The following NET1 variants were observed in gnomAD, a reference collection of about 807,000 sequenced individuals.
NET1 encodes neuroepithelial cell-transforming gene 1 protein.
Under a neutral mutation model 61.1 loss-of-function variants are expected in NET1, and 42 were observed. The observed-to-expected ratio is 0.69, with a 90% CI of 0.54 to 0.89. The LOEUF is 0.89. Among genes scored for constraint, NET1 ranks in the 40% least tolerant of loss-of-function variants. The pLI, the probability that NET1 is intolerant of heterozygous loss-of-function variation, is 0.00. For synonymous variants in NET1, 254 were observed against 281.8 expected (o/e 0.90, Z 0.99); for missense variants, 654 against 747.3 (o/e 0.88, Z 1.46).
At chr10:5,425,183 T>C (rs1445286823) in intron 1 of NET1, among the ~76,000 whole-genome samples, 1 of 152,244 alleles carries the variant, frequency 6.6e-6, no homozygotes, top group Admixed American at 6.5e-5. Flanking sequence ...ATTACTTAAG[T>C]ATTAATTCAT....
chr10:5,412,667 C>A lies in NET1; in HGVS notation c.-26C>A, dbSNP rs1195027709. On this transcript the variant is annotated 5_prime_UTR_variant, in exon 1 of 12. Coordinates refer to ENST00000355029, the MANE Select transcript of NET1 (RefSeq NM_001047160.3). This position sits in a 1 kb window ranked among gnomAD's most constrained non-coding sequence, Gnocchi z 6.5. The stretch of plus-strand genomic sequence containing the variant: ...CCTGCCGGTCTCCCGGGCACCCGGC[C>A]ACCGCCCCACCCCCTCCTCCGTGCC... 1 of 1,455,478 alleles carries A rather than the reference C, an allele frequency of 6.9e-7. No homozygotes were observed. Among genetic ancestry groups the A allele is most frequent in the Admixed American group, 3.0e-5 (1 of 33,694 alleles). The allele number at this position is 1,455,478 out of a possible 1,614,324, so 90.2% of individuals were successfully genotyped here. A position where few individuals can be genotyped will look rare whatever the true frequency, so the allele number is the denominator to read the frequency against.
In NET1 at chr10:5,454,576, CT is replaced by C. The variant is rs763725028; in HGVS notation, c.1026+57del. 5.7e-5 allele frequency: 89 copies of C among 1,554,854 alleles called. No homozygotes were observed. The highest frequency in any genetic ancestry group is 8.3e-5 in the African/African-American group (6 of 72,444). ...TTTTTTAAGTTTATACATTAGGCTG[CT>C]TTAGAACGTTATCTTCTGAAGATGC... On this transcript the variant is annotated intron_variant, in intron 9 of 11. Transcript: ENST00000355029. The surrounding 1 kb of genome is among the most constrained non-coding windows in gnomAD (Gnocchi z 8.1).
Position 5,435,506 on chromosome 10 carries a change from T to TAGACAGACAGACAGAC in NET1, c.255+6280_255+6281insCAGACAGACAGACAGA, listed in dbSNP as rs1832414265. 1.6e-5 allele frequency among the ~76,000 whole-genome samples: 2 copies of TAGACAGACAGACAGAC among 125,492 alleles called. No individual in the cohort carries two copies. Among genetic ancestry groups the TAGACAGACAGACAGAC allele is most frequent in the African/African-American group, 5.8e-5 (2 of 34,590 alleles). 82.3% of individuals were successfully genotyped at this position (125,492 alleles called of 152,430 possible). A position where few individuals can be genotyped will look rare whatever the true frequency, so the allele number is the denominator to read the frequency against. On this transcript the variant is annotated intron_variant, in intron 3 of 11. Transcript: ENST00000355029. This position sits in a 1 kb window ranked among gnomAD's most constrained non-coding sequence, Gnocchi z 5.0. ...ATAGATAGATAGATAGATAGATAGA[T>TAGACAGACAGACAGAC]AGATAGATAGATAGATAGATAGATA... is the stretch of plus-strand genomic sequence containing the variant.
In NET1 at chr10:5,439,509, G is replaced by A. The variant is rs1032762718; in HGVS notation, c.255+10280G>A. ...CAATCACAAATGGACCATTTCCTTTGTATAACAGATGGCTGCTGTACCTCC... is the reference window on the plus strand; with the variant it reads ...CAATCACAAATGGACCATTTCCTTTATATAACAGATGGCTGCTGTACCTCC... On this transcript the variant is annotated intron_variant, in intron 3 of 11. Coordinates refer to ENST00000355029, the MANE Select transcript of NET1 (RefSeq NM_001047160.3). The surrounding 1 kb of genome is among the most constrained non-coding windows in gnomAD (Gnocchi z 4.8). Among the ~76,000 whole-genome samples the A allele has an allele frequency of 5.9e-5, 9 of 152,152 alleles. No individual in the cohort carries two copies. The highest frequency in any genetic ancestry group is 2.2e-4 in the African/African-American group (9 of 41,424).
rs1832065886 is a variant in NET1 at position 5,415,484 on chromosome 10, G to A, written c.128+2664G>A. 6.7e-6 allele frequency among the ~76,000 whole-genome samples: 1 copy of A among 148,956 alleles called. No homozygotes were observed. The highest frequency in any genetic ancestry group is 2.1e-4 in the South Asian group (1 of 4,738). ...AGACGGAGTCTCAGTCTGTCACCGGGGCTGGAGTACAGTGGCATGATCTCG... is the reference window on the plus strand; with the variant it reads ...AGACGGAGTCTCAGTCTGTCACCGGAGCTGGAGTACAGTGGCATGATCTCG... On this transcript the variant is annotated intron_variant, in intron 1 of 11. Coordinates refer to ENST00000355029, the MANE Select transcript of NET1 (RefSeq NM_001047160.3). This position sits in a 1 kb window ranked among gnomAD's most constrained non-coding sequence, Gnocchi z 4.7.
Position 5,437,156 on chromosome 10 carries a change from A to G in NET1, c.255+7927A>G, listed in dbSNP as rs988008371. On this transcript the variant is annotated intron_variant, in intron 3 of 11. Coordinates refer to ENST00000355029, the MANE Select transcript of NET1 (RefSeq NM_001047160.3). This position sits in a 1 kb window ranked among gnomAD's most constrained non-coding sequence, Gnocchi z 4.3. ...GCAAAAAATTGAAACCGTTTTTTTA[A>G]AGACCTCTTTTACTGCCTTCAGCCT... Among the ~76,000 whole-genome samples, 5 of 152,196 alleles carry G rather than the reference A, an allele frequency of 3.3e-5. No homozygotes were observed. Among genetic ancestry groups the G allele is most frequent in the African/African-American group, 9.7e-5 (4 of 41,448 alleles).
chr10:5,439,851 G>C lies in NET1; in HGVS notation c.255+10622G>C, dbSNP rs1390085839. On this transcript the variant is annotated intron_variant, in intron 3 of 11. Transcript: ENST00000355029. This position sits in a 1 kb window ranked among gnomAD's most constrained non-coding sequence, Gnocchi z 4.8. ...GGGCAGTTTGCACCACAGCCTGGAG[G>C]ACCTGCTACAGAGACCTCTGTTGCT... 6.6e-6 allele frequency among the ~76,000 whole-genome samples: 1 copy of C among 152,186 alleles called. No individual in the cohort carries two copies. Among genetic ancestry groups the C allele is most frequent in the East Asian group, 1.9e-4 (1 of 5,202 alleles).
Position 5,457,193 on chromosome 10 carries a change from TA to T in NET1, c.*202del. On this transcript the variant is annotated 3_prime_UTR_variant, in exon 12 of 12. Coordinates refer to ENST00000355029, the MANE Select transcript of NET1 (RefSeq NM_001047160.3). The surrounding 1 kb of genome is among the most constrained non-coding windows in gnomAD (Gnocchi z 5.4). ...TGTTAAATTGCAGTCCTTTTTTTTTTAAAGATATTTTCTTGAATTATTTAGA... is the reference window on the plus strand; with the variant it reads ...TGTTAAATTGCAGTCCTTTTTTTTTTAAGATATTTTCTTGAATTATTTAGA... The T allele has an allele frequency of 7.5e-6, 3 of 402,414 alleles. No homozygotes were observed. Among genetic ancestry groups the T allele is most frequent in the Non-Finnish European group, 1.3e-5 (3 of 233,232 alleles). 24.9% of individuals were successfully genotyped at this position (402,414 alleles called of 1,614,324 possible). A position where few individuals can be genotyped will look rare whatever the true frequency, so the allele number is the denominator to read the frequency against.
At position 5,455,197 on chromosome 10, in the gene NET1, C is replaced by A; in HGVS notation, c.1197+79C>A. Reference sequence around the variant, plus strand: ...TTTTACACGTTTGTTATGAAGCAGGCTTGTAAAGGGAAAGTCATGACATAG... The same window carrying A: ...TTTTACACGTTTGTTATGAAGCAGGATTGTAAAGGGAAAGTCATGACATAG... On this transcript the variant is annotated intron_variant, in intron 10 of 11. Transcript: ENST00000355029. The surrounding 1 kb of genome is among the most constrained non-coding windows in gnomAD (Gnocchi z 6.5). 7.2e-7 allele frequency: 1 copy of A among 1,379,532 alleles called. No individual in the cohort carries two copies. Among genetic ancestry groups the A allele is most frequent in the Non-Finnish European group, 1.0e-6 (1 of 982,154 alleles). 85.5% of individuals were successfully genotyped at this position (1,379,532 alleles called of 1,614,324 possible).
intron 1 of NET1, among the ~76,000 whole-genome samples, chr10:5,418,278 G>C (rs1247784744): frequency 6.6e-6 from 1 of 151,920 alleles, no homozygotes; most frequent in African/African-American, 2.4e-5. Context: ...CCTAGGCCTA[G>C]ACTTTTCTCT....
intron 1 of NET1, among the ~76,000 whole-genome samples, chr10:5,419,362 GTCCATTTC>G (rs1832131105): frequency 6.6e-6 from 1 of 152,086 alleles, no homozygotes; most frequent in Non-Finnish European, 1.5e-5. Context: ...CTGTCTGGCT[GTCCATTTC>G]TTTTGATTGG....
chr10:5,454,862 C>T lies in NET1; in HGVS notation c.1027-86C>T. ...GTCCCTTCAAGCTTTAAAGTTCTTCCATTCCATATGACATTTTTGCTCTGC... is the reference window on the plus strand; with the variant it reads ...GTCCCTTCAAGCTTTAAAGTTCTTCTATTCCATATGACATTTTTGCTCTGC... On this transcript the variant is annotated intron_variant, in intron 9 of 11. Coordinates refer to ENST00000355029, the MANE Select transcript of NET1 (RefSeq NM_001047160.3). This position sits in a 1 kb window ranked among gnomAD's most constrained non-coding sequence, Gnocchi z 8.1. 7.8e-7 allele frequency: 1 copy of T among 1,285,644 alleles called. No individual in the cohort carries two copies. Among genetic ancestry groups the T allele is most frequent in the South Asian group, 1.3e-5 (1 of 76,284 alleles). 79.6% of individuals were successfully genotyped at this position (1,285,644 alleles called of 1,614,324 possible).
In NET1 at chr10:5,449,746, A is replaced by G. The variant is rs1832675309; in HGVS notation, c.256-2084A>G. The stretch of plus-strand genomic sequence containing the variant: ...AATTTGATTTTATGTGATAAAATAG[A>G]TATCAAAAATTTATTTCCTGCTAAC... On this transcript the variant is annotated intron_variant, in intron 3 of 11. Coordinates refer to ENST00000355029, the MANE Select transcript of NET1 (RefSeq NM_001047160.3). This position sits in a 1 kb window ranked among gnomAD's most constrained non-coding sequence, Gnocchi z 4.4. Among the ~76,000 whole-genome samples the G allele has an allele frequency of 6.6e-6, 1 of 152,238 alleles. No individual in the cohort carries two copies. The highest frequency in any genetic ancestry group is 2.4e-5 in the African/African-American group (1 of 41,468).
Position 5,456,403 on chromosome 10 carries a change from C to A in NET1, c.1384+130C>A. The stretch of plus-strand genomic sequence containing the variant: ...ATACTTGTTACATCCATTGAGTTGT[C>A]CAGGCCTTCCCAGCTCGAACACCCG... On this transcript the variant is annotated intron_variant, in intron 11 of 11. Transcript: ENST00000355029. This position sits in a 1 kb window ranked among gnomAD's most constrained non-coding sequence, Gnocchi z 7.0. The A allele has an allele frequency of 1.9e-6, 2 of 1,056,188 alleles. No homozygotes were observed. The highest frequency in any genetic ancestry group is 2.7e-6 in the Non-Finnish European group (2 of 749,978). 65.4% of individuals were successfully genotyped at this position (1,056,188 alleles called of 1,614,324 possible).
rs1254960502 is a variant in NET1, at chr10:5,458,941, GTGT to G, written c.*1952_*1954del. 6.6e-6 allele frequency among the ~76,000 whole-genome samples: 1 copy of G among 152,182 alleles called. No individual in the cohort carries two copies. The highest frequency in any genetic ancestry group is 1.5e-5 in the Non-Finnish European group (1 of 68,022). ...GTTTAAGAAGCAAGTAATAGTTCAA[GTGT>G]TGTTAATGGAATTATGTTTTATTTA... On this transcript the variant is annotated 3_prime_UTR_variant, in exon 12 of 12. Transcript: ENST00000355029. This position sits in a 1 kb window ranked among gnomAD's most constrained non-coding sequence, Gnocchi z 4.5.
chr10:5,416,683 G>A lies in NET1; in HGVS notation c.128+3863G>A, dbSNP rs12243626. On this transcript the variant is annotated intron_variant, in intron 1 of 11. Coordinates refer to ENST00000355029, the MANE Select transcript of NET1 (RefSeq NM_001047160.3). The surrounding 1 kb of genome is among the most constrained non-coding windows in gnomAD (Gnocchi z 6.1). ...TAAATGGATTCATTTCTTTTGAAAT[G>A]GGAAAAGTTCCCTTTTCCCCCTCGC... Among the ~76,000 whole-genome samples the A allele has an allele frequency of 7.9e-3, 1,202 of 152,230 alleles. 20 individuals are homozygous for A. Among genetic ancestry groups the A allele is most frequent in the South Asian group, 0.046 (220 of 4,818 alleles).
chr10:5,427,049 CT>C lies in NET1; in HGVS notation c.195+335del, dbSNP rs918893323. Among the ~76,000 whole-genome samples, 4 of 151,722 alleles carry C rather than the reference CT, an allele frequency of 2.6e-5. No homozygotes were observed. Among genetic ancestry groups the C allele is most frequent in the African/African-American group, 7.3e-5 (3 of 41,334 alleles). ...ATTATTTTTATACATCCTCTACTGC[CT>C]TTTTTTCTTGGTTGAAAATATAAAA... is the stretch of plus-strand genomic sequence containing the variant. On this transcript the variant is annotated intron_variant, in intron 2 of 11. Coordinates refer to ENST00000355029, the MANE Select transcript of NET1 (RefSeq NM_001047160.3). This position sits in a 1 kb window ranked among gnomAD's most constrained non-coding sequence, Gnocchi z 4.1.
chr10:5,446,443 A>T lies in NET1; in HGVS notation c.256-5387A>T. 1 of 365,218 alleles carries T rather than the reference A, an allele frequency of 2.7e-6. No homozygotes were observed. The highest frequency in any genetic ancestry group is 3.8e-6 in the Non-Finnish European group (1 of 262,750). 22.6% of individuals were successfully genotyped at this position (365,218 alleles called of 1,614,324 possible). A position where few individuals can be genotyped will look rare whatever the true frequency, so the allele number is the denominator to read the frequency against. ...AATCAGGAAGAGAAGTTTCTGTCCT[A>T]CTTGAACCCAGCTTCACTCTCCTCC... is the stretch of plus-strand genomic sequence containing the variant. On this transcript the variant is annotated intron_variant, in intron 3 of 11. Transcript: ENST00000355029. This position sits in a 1 kb window ranked among gnomAD's most constrained non-coding sequence, Gnocchi z 5.0.
rs556004149 is a variant in NET1, at chr10:5,447,979, T to G, written c.256-3851T>G. Among the ~76,000 whole-genome samples, 1 of 152,362 alleles carries G rather than the reference T, an allele frequency of 6.6e-6. No individual in the cohort carries two copies. The highest frequency in any genetic ancestry group is 2.4e-5 in the African/African-American group (1 of 41,588). ...TTCTAAGTTACAAGCACTAGGAATGTTGTCACGGTTTTAGATCTAGTGACA... is the reference window on the plus strand; with the variant it reads ...TTCTAAGTTACAAGCACTAGGAATGGTGTCACGGTTTTAGATCTAGTGACA... On this transcript the variant is annotated intron_variant, in intron 3 of 11. Transcript: ENST00000355029. The surrounding 1 kb of genome is among the most constrained non-coding windows in gnomAD (Gnocchi z 4.1).
Sources: allele counts gnomAD v4.1 joint callset (sites outside exome capture counted in the v4.1 genomes callset), GRCh38; gene constraint gnomAD v4.1.1; non-coding constraint Gnocchi (gnomAD v3.1); transcripts MANE v1.5; gene names NCBI Gene and HGNC (gene_info 2026-07-23, HGNC 2026-07-21).